The following MCC variants were observed in gnomAD, a reference collection of about 807,000 sequenced individuals.
MCC encodes MCC regulator of Wnt signaling pathway.
In MCC, 90 loss-of-function variants were observed where a neutral mutation model predicts 116.2. The observed-to-expected ratio is 0.77, with a 90% CI of 0.65 to 0.92. The LOEUF (loss-of-function observed/expected upper bound fraction) is 0.92. MCC is among the 40% of genes least tolerant of loss of function. The probability of loss-of-function intolerance (pLI) is 0.00; values close to 1 mark genes in which losing one functional copy is unlikely to be tolerated. For missense variants in MCC, 1,516 were observed against 1,312.2 expected, an observed-to-expected ratio of 1.16 and a Z score of -2.40; for synonymous variants, 578 against 510.5, an observed-to-expected ratio of 1.13 and a Z score of -1.78.
At chr5:113,406,914 A>G (rs1266295894) in intron 1 of MCC, among the ~76,000 whole-genome samples, 1 of 152,086 alleles carries the variant, frequency 6.6e-6, no homozygotes, top group Non-Finnish European at 1.5e-5. Context: ...AAGGTTCTAC[A>G]CCCCTTGAGC....
At position 113,209,153 on chromosome 5, in the gene MCC, C is replaced by T. The variant is rs147262620; in HGVS notation, c.628-57731G>A. Among the ~76,000 whole-genome samples, 207 of 152,252 alleles carry T rather than the reference C, an allele frequency of 1.4e-3. No individual in the cohort carries two copies. The East Asian group carries it at 0.022, about 16-fold the overall frequency. ...TGTTTATCAAAGGTCTGGGTTCTCC[C>T]GAGAGGCTCTTACATTCCAAGATTG... On this transcript the variant is annotated intron_variant, in intron 3 of 18. Coordinates refer to ENST00000408903, the MANE Select transcript of MCC (RefSeq NM_001085377.2).
At chr5:113,258,840 A>G (rs1765119065) in intron 3 of MCC, among the ~76,000 whole-genome samples, 1 of 152,236 alleles carries the variant, frequency 6.6e-6, no homozygotes, top group Non-Finnish European at 1.5e-5. Flanking sequence ...CACATAAAAT[A>G]TATAAAGTAA....
At chr5:113,266,371 T>G (rs1337939077) in intron 3 of MCC, among the ~76,000 whole-genome samples, 2 of 152,188 alleles carry the variant, frequency 1.3e-5, no homozygotes, top group African/African-American at 2.4e-5. Context: ...CGATCAATGA[T>G]GCCACTTACA....
intron 1 of MCC, among the ~76,000 whole-genome samples, chr5:113,466,588 G>A (rs1203427994): frequency 1.3e-5 from 2 of 151,906 alleles, no homozygotes; most frequent in Non-Finnish European, 2.9e-5. Context: ...TATCATTGTT[G>A]GACATTTAGG....
At chr5:113,483,255 T>C (rs1214762551) in intron 1 of MCC, among the ~76,000 whole-genome samples, 2 of 152,202 alleles carry the variant, frequency 1.3e-5, no homozygotes, top group African/African-American at 4.8e-5. Flanking sequence ...TTCTGGGTCC[T>C]TTAAGTTTCC....
At chr5:113,110,588 A>G (rs1271214696) in intron 6 of MCC, among the ~76,000 whole-genome samples, 2 of 152,212 alleles carry the variant, frequency 1.3e-5, no homozygotes, top group African/African-American at 4.8e-5. Context: ...AAAGTTGTAG[A>G]CCATTTAAAG....
At chr5:113,458,763 C>G (rs1295681081) in intron 1 of MCC, among the ~76,000 whole-genome samples, 1 of 152,152 alleles carries the variant, frequency 6.6e-6, no homozygotes, top group Non-Finnish European at 1.5e-5. Flanking sequence ...GGGTTACACA[C>G]AGAAAGAGTG....
chr5:113,047,739 A>C (rs778132832), intron 16 of MCC, among the ~76,000 whole-genome samples: 8 of 152,048 alleles, frequency 5.3e-5, no homozygotes, highest in Non-Finnish European at 8.8e-5. Flanking sequence ...CCCTTGGACA[A>C]GGGATATAAT....
rs940523852 is a variant in MCC at position 113,255,001 on chromosome 5, C to G, written c.627+85518G>C. On this transcript the variant is annotated intron_variant, in intron 3 of 18. Transcript: ENST00000408903. The stretch of plus-strand genomic sequence containing the variant: ...CCAACATGGTGAAACCCCGTCTCTA[C>G]TAAAAATACAAAAATTAGCTGGGCG... Among the ~76,000 whole-genome samples the G allele has an allele frequency of 2.6e-5, 4 of 152,104 alleles. No homozygotes were observed. The East Asian group carries it at 7.7e-4, about 29-fold the overall frequency.
At chr5:113,048,201 A>G (rs933510204) in intron 16 of MCC, among the ~76,000 whole-genome samples, 6 of 152,244 alleles carry the variant, frequency 3.9e-5, no homozygotes, top group African/African-American at 1.2e-4. Flanking sequence ...TCATTGGTAC[A>G]GAAGTACTGT....
chr5:113,260,738 C>T (rs1277974497), intron 3 of MCC, among the ~76,000 whole-genome samples: 2 of 148,334 alleles, frequency 1.3e-5, no homozygotes, highest in African/African-American at 2.5e-5. Flanking sequence ...GAAATGCCTA[C>T]ACATTTTTTT....
chr5:113,049,422 C>T (rs1315144736), intron 15 of MCC, 123 bp from the exon 16 acceptor site: 2 of 756,918 alleles, frequency 2.6e-6, no homozygotes, highest in Non-Finnish European at 4.2e-6. Flanking sequence ...AGAGTTCTCA[C>T]TTTGAAGTTG....
At chr5:113,343,482 G>A (rs759043344) in intron 2 of MCC, among the ~76,000 whole-genome samples, 2 of 152,182 alleles carry the variant, frequency 1.3e-5, no homozygotes, top group Admixed American at 6.5e-5. Context: ...ATGCCTCAGG[G>A]CCTCTGTTCT....
chr5:113,068,272 G>T, intron 12 of MCC, 89 bp from the exon 13 acceptor site: 1 of 961,850 alleles, frequency 1.0e-6, no homozygotes, highest in Non-Finnish European at 1.6e-6. Flanking sequence ...AGGCAGCTCA[G>T]GTGCTGTCTC....
At chr5:113,296,822 T>C (rs992772254) in intron 3 of MCC, among the ~76,000 whole-genome samples, 71 of 152,114 alleles carry the variant, frequency 4.7e-4, no homozygotes, top group African/African-American at 2.4e-5. Flanking sequence ...TCAAATAGGC[T>C]AGTGTTGAAT....
chr5:113,371,807 G>A (rs778601587), intron 2 of MCC, among the ~76,000 whole-genome samples: 4 of 152,186 alleles, frequency 2.6e-5, no homozygotes, highest in African/African-American at 9.7e-5. Context: ...AAAACAGGAA[G>A]CAAAATAAGC....
At position 113,457,504 on chromosome 5, in the gene MCC, G is replaced by A. The variant is rs1033233864; in HGVS notation, c.170+30741C>T. Among the ~76,000 whole-genome samples, 14 of 152,312 alleles carry A rather than the reference G, an allele frequency of 9.2e-5. 1 individual carries two copies. The Middle Eastern group carries it at 0.014, about 148-fold the overall frequency. ...CTGCTCCACGGCACCCAGTCCCATC[G>A]ATCACCCAAGCGCTGAGGAGTGCGA... On this transcript the variant is annotated intron_variant, in intron 1 of 18. Coordinates refer to ENST00000408903, the MANE Select transcript of MCC (RefSeq NM_001085377.2).
intron 3 of MCC, chr5:113,295,039 G>A (rs1766668062): frequency 2.5e-6 from 2 of 804,154 alleles, no homozygotes; most frequent in Non-Finnish European, 3.0e-6. Context: ...GTAGCCTGGA[G>A]GCCGAGCAGA....
chr5:113,147,356 C>T (rs1390190864), intron 4 of MCC, among the ~76,000 whole-genome samples: 1 of 152,140 alleles, frequency 6.6e-6, no homozygotes, highest in Non-Finnish European at 1.5e-5. Flanking sequence ...TGGAAAAACC[C>T]TGTGCAATGT....
Sources: gnomAD v4.1 joint callset for allele counts (sites outside exome capture counted in the v4.1 genomes callset) on GRCh38, gnomAD v4.1.1 for gene constraint, MANE v1.5 for transcripts, NCBI Gene and HGNC (gene_info 2026-07-23, HGNC 2026-07-21) for gene names.